PDE11A: variants seen among roughly 807,000 people sequenced by gnomAD.
PDE11A encodes the protein dual 3',5'-cyclic-AMP and -GMP phosphodiesterase 11A.
A neutral mutation model predicts 100.5 loss-of-function variants in PDE11A; 100 were observed. That is an observed-to-expected ratio of 1.00 (90% CI 0.85 to 1.18). The LOEUF is 1.18. PDE11A is among the 50% of genes most tolerant of loss of function. PDE11A has a pLI of 0.00. For missense variants in PDE11A, 1,141 were observed against 1,152.6 expected, an observed-to-expected ratio of 0.99 and a Z score of 0.15; for synonymous variants, 381 against 420.8, an observed-to-expected ratio of 0.91 and a Z score of 1.16.
rs3056937 is a variant in PDE11A, at chr2:177,700,402, CAAA to C, written c.2244+716_2244+718del. Among the ~76,000 whole-genome samples the C allele has an allele frequency of 3.7e-3, 531 of 144,988 alleles. 2 individuals are homozygous for C. The highest frequency in any genetic ancestry group is 9.9e-3 in the East Asian group (50 of 5,030). ...GGAACAGATGATCCCTTCCTGGCCT[CAAA>C]AAAAAAAAAAAAAGTCTGTACGCTT... On this transcript the variant is annotated intron_variant, in intron 14 of 19. Coordinates refer to ENST00000286063, the MANE Select transcript of PDE11A (RefSeq NM_016953.4).
chr2:178,101,762 G>A (rs887908914), intron 2 of PDE11A, among the ~76,000 whole-genome samples: 1 of 152,058 alleles, frequency 6.6e-6, no homozygotes, highest in Non-Finnish European at 1.5e-5. Context: ...AGGAACCCAG[G>A]ACAAAGACCA....
At position 177,646,418 on chromosome 2, in the gene PDE11A, T is replaced by C. The variant is rs77919593; in HGVS notation, c.2647-16856A>G. ...CAGGAGCCATACTTGGAGTTCTTCA[T>C]ATGTGACCTGATTACAACTCAGAAT... On this transcript the variant is annotated intron_variant, in intron 19 of 19. Transcript: ENST00000286063. Among the ~76,000 whole-genome samples, 1,422 of 152,328 alleles carry C rather than the reference T, an allele frequency of 9.3e-3. 19 individuals carry two copies. Among genetic ancestry groups the C allele is most frequent in the African/African-American group, 0.032 (1,336 of 41,558 alleles).
intron 1 of PDE11A, 132 bp downstream of exon 1, chr2:178,071,394 C>T (rs570550276): frequency 9.1e-7 from 1 of 1,102,366 alleles, no homozygotes; most frequent in Non-Finnish European, 1.3e-6. Flanking sequence ...AGTCTAAACT[C>T]GGGAATTTAA....
intron 4 of PDE11A, among the ~76,000 whole-genome samples, chr2:177,895,566 A>G (rs2084600198): frequency 6.6e-6 from 1 of 152,150 alleles, no homozygotes; most frequent in Non-Finnish European, 1.5e-5. Context: ...AAAAAAAAAA[A>G]AGCTATTCTG....
intron 2 of PDE11A, among the ~76,000 whole-genome samples, chr2:177,930,078 C>T (rs1185241375): frequency 6.6e-6 from 1 of 151,954 alleles, no homozygotes; most frequent in Non-Finnish European, 1.5e-5. Flanking sequence ...TTTCTCATTG[C>T]TCAATTTAAA....
intron 1 of PDE11A, among the ~76,000 whole-genome samples, chr2:178,070,305 T>C (rs527861779): frequency 6.6e-6 from 1 of 152,198 alleles, no homozygotes; most frequent in African/African-American, 2.4e-5. Context: ...TTGGCAGATA[T>C]CTCACAAAAA....
In PDE11A at chr2:178,093,905, C is replaced by T. The variant is rs148571177; in HGVS notation, c.162+10397G>A. Reference sequence around the variant, plus strand: ...GAGAAACTGCAAAGGTAACATAACCCCAGGCCTGCCAGTCTTTGCCAGCTG... The same window carrying T: ...GAGAAACTGCAAAGGTAACATAACCTCAGGCCTGCCAGTCTTTGCCAGCTG... On this transcript the variant is annotated intron_variant, in intron 2 of 20. Transcript: ENST00000358450. Among the ~76,000 whole-genome samples the T allele has an allele frequency of 2.9e-3, 437 of 152,242 alleles. 2 individuals carry two copies. The highest frequency in any genetic ancestry group is 5.0e-3 in the Non-Finnish European group (339 of 68,010).
At chr2:177,938,442 C>A (rs1054050924) in intron 2 of PDE11A, among the ~76,000 whole-genome samples, 3 of 152,176 alleles carry the variant, frequency 2.0e-5, no homozygotes, top group Admixed American at 6.5e-5. Flanking sequence ...CCAGCAGAAG[C>A]AGTTCTGTTT....
chr2:177,835,960 C>T (rs899207710), intron 6 of PDE11A, among the ~76,000 whole-genome samples: 2 of 152,194 alleles, frequency 1.3e-5, no homozygotes, highest in Admixed American at 6.5e-5. Flanking sequence ...CTCCCCACTG[C>T]CGTGGGCTCC....
chr2:178,046,865 T>C (rs933167926), intron 1 of PDE11A, among the ~76,000 whole-genome samples: 1 of 152,156 alleles, frequency 6.6e-6, no homozygotes, highest in Non-Finnish European at 1.5e-5. Flanking sequence ...ACTCTTACAG[T>C]TGGAAAAGCC....
At chr2:177,676,423 G>A in intron 16 of PDE11A, among the ~76,000 whole-genome samples, 1 of 152,216 alleles carries the variant, frequency 6.6e-6, no homozygotes, top group East Asian at 1.9e-4. Context: ...TGCAACCAAA[G>A]GTCAGAGGGC....
At chr2:178,029,089 A>C (rs1482007226) in intron 1 of PDE11A, among the ~76,000 whole-genome samples, 1 of 152,160 alleles carries the variant, frequency 6.6e-6, no homozygotes, top group East Asian at 1.9e-4. Flanking sequence ...ATCATTGGAT[A>C]TTGTCTTCCC....
At chr2:177,776,378 C>A (rs986833984) in intron 9 of PDE11A, among the ~76,000 whole-genome samples, 2 of 152,172 alleles carry the variant, frequency 1.3e-5, no homozygotes, top group Non-Finnish European at 2.9e-5. Flanking sequence ...ATCCGGAAAA[C>A]GCTAAGCTAC....
chr2:178,023,355 C>A (rs2086437897), intron 1 of PDE11A, among the ~76,000 whole-genome samples: 1 of 152,288 alleles, frequency 6.6e-6, no homozygotes, highest in African/African-American at 2.4e-5. Flanking sequence ...AGCCTCGAAG[C>A]AAAACAAATC....
At chr2:177,853,635 CATATATATATATATATAT>C (rs371434526) in intron 5 of PDE11A, among the ~76,000 whole-genome samples, 1,144 of 36,224 alleles carry the variant, frequency 0.032, 41 homozygotes, top group African/African-American at 0.053. Context: ...ACAAGTCCTG[CATATATATATATATATAT>C]ATATATATAT....
At chr2:178,068,079 A>C (rs1048427958) in intron 1 of PDE11A, among the ~76,000 whole-genome samples, 16 of 152,164 alleles carry the variant, frequency 1.1e-4, no homozygotes, top group African/African-American at 3.9e-4. Flanking sequence ...ATAATCTCAG[A>C]GAACACCTGT....
chr2:178,079,790 C>T (rs866674940), intron 2 of PDE11A, among the ~76,000 whole-genome samples: 16 of 152,220 alleles, frequency 1.1e-4, no homozygotes, highest in Middle Eastern at 6.8e-3. Context: ...TCCACAAACT[C>T]GCTAGCATAT....
rs555216347 is a variant in PDE11A, at chr2:177,814,316, T to C, written c.1737+2513A>G. Among the ~76,000 whole-genome samples, 3 of 152,214 alleles carry C rather than the reference T, an allele frequency of 2.0e-5. No homozygotes were observed. In the East Asian group the frequency reaches 5.8e-4, roughly 29 times the overall value. ...TCAGAAGTTGATGTATATTATAATA[T>C]ACGTATATCTCATTCCTGAATTTGG... On this transcript the variant is annotated intron_variant, in intron 9 of 19. Transcript: ENST00000286063.
At chr2:177,941,569 A>G (rs1431509719) in intron 2 of PDE11A, among the ~76,000 whole-genome samples, 1 of 152,132 alleles carries the variant, frequency 6.6e-6, no homozygotes, top group Non-Finnish European at 1.5e-5. Context: ...TCTCTCTACA[A>G]AGAGATCTGG....
Sources: gnomAD v4.1 joint callset for allele counts (sites outside exome capture counted in the v4.1 genomes callset) on GRCh38, gnomAD v4.1.1 for gene constraint, MANE v1.5 for transcripts, NCBI Gene and HGNC (gene_info 2026-07-23, HGNC 2026-07-21) for gene names.